The following PCBP3 variants were observed in gnomAD, a reference collection of about 807,000 sequenced individuals.
PCBP3 encodes poly(rC) binding protein 3.
Under a neutral mutation model 52.7 loss-of-function variants are expected in PCBP3, and 25 were observed. The observed-to-expected ratio is 0.47, with a 90% CI of 0.35 to 0.66. PCBP3 has a LOEUF of 0.66. Ranked by LOEUF, PCBP3 falls within the 30% of genes least tolerant of loss-of-function variation. The pLI is 0.01. For synonymous variants in PCBP3, 162 were observed against 183.0 expected, an observed-to-expected ratio of 0.89 and a Z score of 0.93; for missense variants, 391 against 490.3, an observed-to-expected ratio of 0.80 and a Z score of 1.91.
At chr21:45,911,476 G>A (rs1334684541) in intron 11 of PCBP3, among the ~76,000 whole-genome samples, 1 of 152,138 alleles carries the variant, frequency 6.6e-6, no homozygotes, top group Non-Finnish European at 1.5e-5. Flanking sequence ...AAACCACCGT[G>A]GAGGAACAGA....
intron 16 of PCBP3, 144 bp downstream of exon 16, chr21:45,935,449 C>A (rs1328939745): frequency 4.2e-6 from 3 of 711,512 alleles, no homozygotes; most frequent in Middle Eastern, 2.3e-4. Context: ...TCTGTGTCCT[C>A]CCTCCTTTCC....
chr21:45,803,952 C>T (rs780467421), intron 4 of PCBP3, among the ~76,000 whole-genome samples: 4 of 152,242 alleles, frequency 2.6e-5, no homozygotes, highest in East Asian at 3.9e-4. Flanking sequence ...AGATGAAGGA[C>T]GCCTAGACCT....
At chr21:45,922,538 G>C (rs2074587924) in intron 13 of PCBP3, among the ~76,000 whole-genome samples, 1 of 152,194 alleles carries the variant, frequency 6.6e-6, no homozygotes, top group Non-Finnish European at 1.5e-5. Flanking sequence ...CTGGGCGACA[G>C]AGCAAGACCC....
chr21:45,835,349 G>C (rs951110876), intron 4 of PCBP3, among the ~76,000 whole-genome samples: 5 of 152,184 alleles, frequency 3.3e-5, no homozygotes. Context: ...TCTGTGGCCT[G>C]TTGGCAGAGA....
intron 1 of PCBP3, among the ~76,000 whole-genome samples, chr21:45,649,267 C>T (rs1231084574): frequency 1.3e-5 from 2 of 152,156 alleles, no homozygotes; most frequent in Non-Finnish European, 2.9e-5. Context: ...ACAAGAACAG[C>T]ATGGGAAAGA....
intron 2 of PCBP3, among the ~76,000 whole-genome samples, chr21:45,733,861 A>G (rs1363237046): frequency 7.9e-5 from 12 of 152,146 alleles, no homozygotes; most frequent in Non-Finnish European, 1.8e-4. Context: ...TCTGCCTCCT[A>G]AAGTGTATAA....
chr21:45,874,923 G>A (rs558848823), intron 5 of PCBP3, among the ~76,000 whole-genome samples: 4 of 152,178 alleles, frequency 2.6e-5, no homozygotes, highest in South Asian at 4.1e-4. Context: ...CTAGACTCAC[G>A]AGAGAGCATG....
chr21:45,871,283 G>C (rs1023311862), intron 5 of PCBP3: 1 of 161,214 alleles, frequency 6.2e-6, no homozygotes, highest in African/African-American at 2.4e-5. Flanking sequence ...CAGTGCCCGG[G>C]AGAGACGGGC....
At chr21:45,816,014 G>GGTGAGTGGTGA (rs2092934429) in intron 4 of PCBP3, among the ~76,000 whole-genome samples, 4 of 122,430 alleles carry the variant, frequency 3.3e-5, no homozygotes. Flanking sequence ...GTGAGTGAGT[G>GGTGAGTGGTGA]GTGAGTAGTG....
intron 12 of PCBP3, chr21:45,915,383 A>G (rs553170775): frequency 5.8e-4 from 88 of 152,322 alleles, no homozygotes; most frequent in African/African-American, 2.1e-3. Context: ...CCCCAAATTC[A>G]TGGTTAGGTA....
At chr21:45,749,044 T>G (rs1299614869) in intron 3 of PCBP3, among the ~76,000 whole-genome samples, 1 of 152,178 alleles carries the variant, frequency 6.6e-6, no homozygotes, top group Non-Finnish European at 1.5e-5. Flanking sequence ...ATATGACCTA[T>G]GAGAAGATGG....
At chr21:45,812,357 G>C (rs1224305657) in intron 4 of PCBP3, among the ~76,000 whole-genome samples, 3 of 152,176 alleles carry the variant, frequency 2.0e-5, no homozygotes, top group Admixed American at 6.5e-5. Context: ...ACGGATCTGA[G>C]TTTCCATCTG....
chr21:45,657,645 G>A (rs910408428), intron 1 of PCBP3, among the ~76,000 whole-genome samples: 1 of 150,940 alleles, frequency 6.6e-6, no homozygotes, highest in Non-Finnish European at 1.5e-5. Context: ...ATTTTCATAT[G>A]ATTTTTAGGT....
chr21:45,709,431 T>A (rs2083678917), intron 2 of PCBP3, among the ~76,000 whole-genome samples: 1 of 152,178 alleles, frequency 6.6e-6, no homozygotes, highest in Non-Finnish European at 1.5e-5. Context: ...GTTCCTCTTC[T>A]AAAGACACCA....
At position 45,795,239 on chromosome 21, in the gene PCBP3, C is replaced by T. The variant is rs965947182; in HGVS notation, c.-126+39787C>T. 5.9e-5 allele frequency among the ~76,000 whole-genome samples: 9 copies of T among 151,316 alleles called. No homozygotes were observed. In the East Asian group the frequency reaches 1.2e-3, roughly 20 times the overall value. ...AGGGACCAGAATGTCCGTATGTTTA[C>T]GAGGAATTTGAATAGCATTCATAAC... is the stretch of plus-strand genomic sequence containing the variant. On this transcript the variant is annotated intron_variant, in intron 4 of 17. Coordinates refer to ENST00000681687, the MANE Select transcript of PCBP3 (RefSeq NM_001384156.1).
chr21:45,692,178 C>T (rs531056310), intron 2 of PCBP3, among the ~76,000 whole-genome samples: 2 of 152,244 alleles, frequency 1.3e-5, no homozygotes, highest in African/African-American at 4.8e-5. Context: ...GAAGGCCACT[C>T]TCAAGTTCAG....
At chr21:45,812,156 A>G (rs1458812651) in intron 4 of PCBP3, among the ~76,000 whole-genome samples, 1 of 152,202 alleles carries the variant, frequency 6.6e-6, no homozygotes, top group Non-Finnish European at 1.5e-5. Flanking sequence ...TCGTGTTGCC[A>G]TATAATTAAC....
intron 13 of PCBP3, among the ~76,000 whole-genome samples, chr21:45,922,430 C>A (rs1008503815): frequency 6.6e-6 from 1 of 152,138 alleles, no homozygotes; most frequent in Admixed American, 6.5e-5. Flanking sequence ...TGGCACACAC[C>A]TGGAGTCCCA....
At chr21:45,711,398 G>A (rs1015065951) in intron 2 of PCBP3, among the ~76,000 whole-genome samples, 1 of 152,150 alleles carries the variant, frequency 6.6e-6, no homozygotes, top group Non-Finnish European at 1.5e-5. Flanking sequence ...ACTGACATTT[G>A]TAACTTGAAT....
Sources: allele counts gnomAD v4.1 joint callset (sites outside exome capture counted in the v4.1 genomes callset), GRCh38; gene constraint gnomAD v4.1.1; transcripts MANE v1.5; gene names NCBI Gene and HGNC (gene_info 2026-07-23, HGNC 2026-07-21).